The following KIAA0232 variants were observed in gnomAD, a reference collection of about 807,000 sequenced individuals.
KIAA0232 encodes KIAA0232, also known as uncharacterized protein KIAA0232.
Under a neutral mutation model 122.0 loss-of-function variants are expected in KIAA0232, and 27 were observed. The observed-to-expected ratio is 0.22, with a 90% CI of 0.16 to 0.31. The LOEUF is 0.31. Ranked by LOEUF, KIAA0232 falls within the 10% of genes least tolerant of loss-of-function variation. The probability of loss-of-function intolerance (pLI) is 1.00; values close to 1 mark genes in which losing one functional copy is unlikely to be tolerated. For synonymous variants in KIAA0232, 613 were observed against 587.6 expected (o/e 1.04, Z -0.63); for missense variants, 1,551 against 1,634.2 (o/e 0.95, Z 0.88).
rs113584203 is a variant in KIAA0232 at position 6,880,390 on chromosome 4, G to T, written c.4009-397G>T. The stretch of plus-strand genomic sequence containing the variant: ...CGTCTGCAGTGCCCCCCTCACCATC[G>T]GTACTGTGTCACTGCAACTGGCACA... On this transcript the variant is annotated intron_variant, in intron 9 of 9. Transcript: ENST00000307659. Among the ~76,000 whole-genome samples the T allele has an allele frequency of 6.6e-3, 974 of 147,980 alleles. 38 individuals are homozygous for T. Among genetic ancestry groups the T allele is most frequent in the African/African-American group, 0.024 (900 of 38,016 alleles).
At chr4:6,843,886 T>C (rs927632091) in intron 4 of KIAA0232, among the ~76,000 whole-genome samples, 1 of 151,466 alleles carries the variant, frequency 6.6e-6, no homozygotes, top group Admixed American at 6.6e-5. Context: ...AATTATTCAT[T>C]TGACTGTGCT....
intron 1 of KIAA0232, among the ~76,000 whole-genome samples, chr4:6,784,786 TA>T (rs1229154791): frequency 1.3e-5 from 2 of 152,206 alleles, no homozygotes; most frequent in East Asian, 3.8e-4. Flanking sequence ...TATTCTTATT[TA>T]TTTCCATAGG....
intron 3 of KIAA0232, among the ~76,000 whole-genome samples, chr4:6,836,738 G>C (rs1167828807): frequency 6.6e-6 from 1 of 151,830 alleles, no homozygotes; most frequent in Non-Finnish European, 1.5e-5. Flanking sequence ...AGATTAGGGA[G>C]CGGTGATGAC....
chr4:6,846,476 C>T (rs77519808), intron 4 of KIAA0232, among the ~76,000 whole-genome samples: 5 of 152,084 alleles, frequency 3.3e-5, no homozygotes, highest in Non-Finnish European at 5.9e-5. Flanking sequence ...ACTGAGCATG[C>T]GAGGGATCTA....
At chr4:6,812,179 A>G (rs184356882) in intron 2 of KIAA0232, among the ~76,000 whole-genome samples, 79 of 152,284 alleles carry the variant, frequency 5.2e-4, no homozygotes, top group African/African-American at 1.8e-3. Context: ...TGAAAGAGCT[A>G]ATGAGTCTTT....
Position 6,862,428 on chromosome 4 carries a change from G to A in KIAA0232, c.2046G>A (p.Gly682=). ...CAGATTCTAGTGCTAATATGCTTGG[G>A]AAAACACAGTCTAGATTGCTAATAT... The part of the protein sequence containing the change: ...ENTDSSANML[G]KTQSRLLIWT... The change falls in exon 7 of 10, where the codon GGG becomes GGA. Residue 682 remains glycine (G), a synonymous_variant. Transcript: ENST00000307659. The A allele has an allele frequency of 1.2e-6, 2 of 1,614,116 alleles. No homozygotes were observed. Among genetic ancestry groups the A allele is most frequent in the Non-Finnish European group, 1.7e-6 (2 of 1,180,014 alleles).
intron 7 of KIAA0232, among the ~76,000 whole-genome samples, chr4:6,868,901 A>G (rs1037165578): frequency 6.6e-6 from 1 of 152,192 alleles, no homozygotes; most frequent in Non-Finnish European, 1.5e-5. Flanking sequence ...TCCCAAATTT[A>G]TGGTAGAAAC....
At chr4:6,859,119 AAAAAC>A (rs1026549363) in intron 6 of KIAA0232, among the ~76,000 whole-genome samples, 5 of 151,576 alleles carry the variant, frequency 3.3e-5, no homozygotes, top group African/African-American at 4.8e-5. Context: ...AAAAAAAAAA[AAAAAC>A]AAGAAAGAAA....
rs1577375029 is a variant in KIAA0232, at chr4:6,824,587, A to G, written c.134A>G (p.Gln45Arg). ...GGTCCAGTGCAGACCTGGCTGGGAC[A>G]AGAGCTCGAGAAATGTGGCATTGAT... ...ALGPVQTWLG[Q>R]ELEKCGIDAM... Residue 45 changes from glutamine to arginine, a missense_variant, in exon 3 of 10, where the codon CAA (glutamine) becomes CGA (arginine). Gln to Arg is a conservative substitution (Grantham distance 43). Around this residue, in one of 5 missense-constraint regions of KIAA0232, gnomAD observed 26 missense variants for 52.2 expected, o/e 0.50. Transcript: ENST00000307659. 1.2e-6 allele frequency: 2 copies of G among 1,614,206 alleles called. No individual in the cohort carries two copies. The highest frequency in any genetic ancestry group is 1.7e-6 in the Non-Finnish European group (2 of 1,180,028).
intron 2 of KIAA0232, among the ~76,000 whole-genome samples, chr4:6,823,024 T>A (rs373017218): frequency 2.0e-5 from 3 of 150,208 alleles, no homozygotes; most frequent in South Asian, 2.1e-4. Context: ...TGAGAATATG[T>A]GGTGTTTGGT....
At position 6,862,584 on chromosome 4, in the gene KIAA0232, C is replaced by T. The variant is rs767048158; in HGVS notation, c.2202C>T (p.Ser734=). The change falls in exon 7 of 10, where the codon TCC becomes TCT. Residue 734 remains serine, a synonymous_variant. Coordinates refer to ENST00000307659, the MANE Select transcript of KIAA0232 (RefSeq NM_014743.3). The part of the protein sequence containing the change: ...NETLNIQFEE[S]TQFNAEDINY... ...CATTAAATATTCAGTTTGAAGAATC[C>T]ACACAGTTTAATGCCGAAGATATTA... 1.2e-6 allele frequency: 2 copies of T among 1,613,748 alleles called. No homozygotes were observed. The highest frequency in any genetic ancestry group is 8.5e-7 in the Non-Finnish European group (1 of 1,179,900).
At chr4:6,858,834 GCA>G (rs1231846284) in intron 6 of KIAA0232, among the ~76,000 whole-genome samples, 1 of 152,118 alleles carries the variant, frequency 6.6e-6, no homozygotes, top group Non-Finnish European at 1.5e-5. Flanking sequence ...TATCAGCCGG[GCA>G]CAGTGGCTCA....
intron 1 of KIAA0232, among the ~76,000 whole-genome samples, chr4:6,783,730 G>C (rs1247018204): frequency 6.6e-6 from 1 of 151,568 alleles, no homozygotes; most frequent in Non-Finnish European, 1.5e-5. Flanking sequence ...CCGGTGCGGC[G>C]CAAGGTTTGG....
In KIAA0232 at chr4:6,863,944, G is replaced by A; in HGVS notation, c.3562G>A (p.Ala1188Thr). The change falls in exon 7 of 10, where the codon GCT (alanine) becomes ACT (threonine). Residue 1188 changes from alanine to threonine, a missense_variant. By Grantham distance (58) the Ala-to-Thr change is moderately conservative. Coordinates refer to ENST00000307659, the MANE Select transcript of KIAA0232 (RefSeq NM_014743.3). ...AAAAAAATCTGGGATGGAAAAGAGT[G>A]CTCAGACATCACTGGATTCCCAGGA... ...RLKKSGMEKSAQTSLDSQEES... is the reference protein window; with the variant it reads ...RLKKSGMEKSTQTSLDSQEES... 6.2e-7 allele frequency: 1 copy of A among 1,614,050 alleles called. No individual in the cohort carries two copies. Among genetic ancestry groups the A allele is most frequent in the Non-Finnish European group, 8.5e-7 (1 of 1,179,998 alleles).
intron 1 of KIAA0232, among the ~76,000 whole-genome samples, chr4:6,800,870 T>C (rs1318934815): frequency 6.6e-6 from 1 of 152,122 alleles, no homozygotes; most frequent in Admixed American, 6.6e-5. Context: ...AGGGGGGTGA[T>C]ACGAAGAGCC....
chr4:6,856,635 T>C (rs1334050345), intron 4 of KIAA0232, among the ~76,000 whole-genome samples: 3 of 152,086 alleles, frequency 2.0e-5, no homozygotes, highest in Non-Finnish European at 4.4e-5. Context: ...GGCTTCATTT[T>C]CTGGACTTCT....
At chr4:6,793,366 T>C (rs966566941) in intron 1 of KIAA0232, among the ~76,000 whole-genome samples, 1 of 152,182 alleles carries the variant, frequency 6.6e-6, no homozygotes, top group Non-Finnish European at 1.5e-5. Context: ...TTTCAGAACA[T>C]AGAGGCTCTA....
chr4:6,815,869 TTCAA>T (rs1338264445), intron 2 of KIAA0232, among the ~76,000 whole-genome samples: 1 of 152,162 alleles, frequency 6.6e-6, no homozygotes. Context: ...CATGTGGGCG[TTCAA>T]TATGCTTTGC....
At chr4:6,868,553 A>C (rs561643844) in intron 7 of KIAA0232, among the ~76,000 whole-genome samples, 218 of 152,292 alleles carry the variant, frequency 1.4e-3, no homozygotes, top group African/African-American at 5.0e-3. Context: ...GGAAATACTT[A>C]GAGGTAAGAG....
Sources: allele counts gnomAD v4.1 joint callset (sites outside exome capture counted in the v4.1 genomes callset), GRCh38; gene constraint gnomAD v4.1.1; regional missense constraint gnomAD v4.1.1; transcripts MANE v1.5; gene names NCBI Gene and HGNC (gene_info 2026-07-23, HGNC 2026-07-21).